AQR: variants seen among roughly 807,000 people sequenced by gnomAD.
The protein encoded by AQR is RNA helicase aquarius.
A neutral mutation model predicts 180.5 loss-of-function variants in AQR; 61 were observed. That is an observed-to-expected ratio of 0.34 (90% CI 0.28 to 0.42). The LOEUF is 0.42. AQR is among the 10% of genes least tolerant of loss of function. The probability of loss-of-function intolerance (pLI) is 1.00; values close to 1 mark genes in which losing one functional copy is unlikely to be tolerated. For missense variants in AQR, 1,281 were observed against 1,798.3 expected, an observed-to-expected ratio of 0.71 and a Z score of 5.20; for synonymous variants, 551 against 588.8, an observed-to-expected ratio of 0.94 and a Z score of 0.93.
At chr15:34,896,733 C>T (rs1384421676) in intron 22 of AQR, among the ~76,000 whole-genome samples, 164 bp downstream of exon 22, 1 of 152,142 alleles carries the variant, frequency 6.6e-6, no homozygotes, top group Non-Finnish European at 1.5e-5. Context: ...CCTGTAATCT[C>T]AGCTACTTGG....
chr15:34,873,584 G>GCTTA (rs1226529073), intron 30 of AQR, among the ~76,000 whole-genome samples: 3 of 151,924 alleles, frequency 2.0e-5, no homozygotes, highest in African/African-American at 7.3e-5. Context: ...AACAAGCTTA[G>GCTTA]GAAGACCTTT....
intron 11 of AQR, 145 bp from the exon 12 acceptor site, chr15:34,930,516 G>A: frequency 5.5e-6 from 3 of 540,852 alleles, no homozygotes; most frequent in Non-Finnish European, 9.9e-6. Context: ...AAAGATTTTA[G>A]AACATATCCA....
chr15:34,858,893 A>G (rs945952274), intron 34 of AQR, among the ~76,000 whole-genome samples: 6 of 152,246 alleles, frequency 3.9e-5, no homozygotes, highest in Non-Finnish European at 8.8e-5. Flanking sequence ...AGACAAATGA[A>G]TAAAACTCAG....
chr15:34,880,291 G>A (rs1892952002), intron 27 of AQR, among the ~76,000 whole-genome samples: 2 of 152,138 alleles, frequency 1.3e-5, no homozygotes, highest in Admixed American at 1.3e-4. Context: ...GAAAGATACG[G>A]GAGGATGTAT....
At chr15:34,948,101 A>G in intron 5 of AQR, 163 bp downstream of exon 5, 1 of 728,188 alleles carries the variant, frequency 1.4e-6, no homozygotes, top group African/African-American at 1.8e-5. Flanking sequence ...TATTGAAACC[A>G]AAAGAAAACA....
intron 15 of AQR, among the ~76,000 whole-genome samples, chr15:34,917,171 T>G (rs928746720): frequency 1.3e-5 from 2 of 152,194 alleles, no homozygotes; most frequent in African/African-American, 4.8e-5. Flanking sequence ...TAAAAAGATA[T>G]GAAGACTGCC....
chr15:34,943,495 A>C lies in AQR; in HGVS notation c.471+793T>G, dbSNP rs1894060893. On this transcript the variant is annotated intron_variant, in intron 6 of 34. Coordinates refer to ENST00000156471, the MANE Select transcript of AQR (RefSeq NM_014691.3). Reference sequence around the variant, plus strand: ...AATAAATAAATAAAAATAAATGTTAAAGAGATAACAGTGGTATCCAGTGCA... The same window carrying C: ...AATAAATAAATAAAAATAAATGTTACAGAGATAACAGTGGTATCCAGTGCA... The C allele has an allele frequency of 6.7e-6, 3 of 450,324 alleles. No homozygotes were observed. The East Asian group carries it at 1.5e-4, about 23-fold the overall frequency. 27.9% of individuals were successfully genotyped at this position (450,324 alleles called of 1,614,324 possible). A position where few individuals can be genotyped will look rare whatever the true frequency, so the allele number is the denominator to read the frequency against.
intron 31 of AQR, among the ~76,000 whole-genome samples, 185 bp downstream of exon 31, chr15:34,870,567 G>T (rs932257413): frequency 3.3e-5 from 5 of 152,070 alleles, no homozygotes; most frequent in African/African-American, 1.2e-4. Context: ...TATCTTTTAT[G>T]TGGTAGCTGA....
At chr15:34,884,232 C>A (rs1290426363) in intron 26 of AQR, among the ~76,000 whole-genome samples, 8 of 151,816 alleles carry the variant, frequency 5.3e-5, no homozygotes, top group Non-Finnish European at 8.8e-5. Context: ...CATGGTGAAA[C>A]CCTGTCTCTA....
At chr15:34,922,809 T>C (rs1365653394) in intron 13 of AQR, among the ~76,000 whole-genome samples, 1 of 149,138 alleles carries the variant, frequency 6.7e-6, no homozygotes, top group Non-Finnish European at 1.5e-5. Context: ...TGCCTGGCCT[T>C]ATCCATTAAA....
chr15:34,874,198 C>G (rs1892860780), intron 29 of AQR, 199 bp from the exon 30 acceptor site: 1 of 465,000 alleles, frequency 2.2e-6, no homozygotes, highest in South Asian at 5.6e-5. Flanking sequence ...ACTGAAGGTA[C>G]TACAAAAATG....
chr15:34,921,409 G>C (rs1461072395), intron 13 of AQR, among the ~76,000 whole-genome samples: 1 of 147,610 alleles, frequency 6.8e-6, no homozygotes, highest in Non-Finnish European at 1.5e-5. Context: ...ACTCCAGCCT[G>C]GGCAAAAGAG....
intron 24 of AQR, among the ~76,000 whole-genome samples, chr15:34,889,159 G>C (rs1893104196): frequency 6.6e-6 from 1 of 152,090 alleles, no homozygotes; most frequent in Admixed American, 6.6e-5. Flanking sequence ...TTTGTAAGTT[G>C]GCTTTAAAAT....
At chr15:34,864,187 A>C (rs1489783956) in intron 32 of AQR, among the ~76,000 whole-genome samples, 1 of 152,000 alleles carries the variant, frequency 6.6e-6, no homozygotes, top group Non-Finnish European at 1.5e-5. Context: ...TTTATGGTCT[A>C]GTCTATGGTC....
intron 13 of AQR, among the ~76,000 whole-genome samples, chr15:34,926,183 T>TA (rs1375967242): frequency 4.0e-5 from 6 of 151,676 alleles, no homozygotes; most frequent in East Asian, 1.9e-4. Context: ...TAAAAATAAA[T>TA]AAAAAAATAA....
intron 33 of AQR, among the ~76,000 whole-genome samples, chr15:34,862,327 C>A (rs7497306): frequency 6.6e-6 from 1 of 151,848 alleles, no homozygotes; most frequent in Non-Finnish European, 1.5e-5. Context: ...GGATGTTATT[C>A]GAAAAGACCT....
chr15:34,874,298 G>C, intron 29 of AQR: 1 of 315,714 alleles, frequency 3.2e-6, no homozygotes, highest in South Asian at 8.3e-5. Context: ...ACATTTGGGG[G>C]TAACTATGAG....
At position 34,854,357 on chromosome 15, in the gene AQR, A is replaced by G. The variant is rs1439157603; in HGVS notation, c.*2435T>C. On this transcript the variant is annotated 3_prime_UTR_variant, in exon 35 of 35. Transcript: ENST00000156471. ...ACATGGCTAGAGTACCTGTGTCTGT[A>G]GTAATCCCAAACTATATAGAAAACT... is the stretch of plus-strand genomic sequence containing the variant. The G allele has an allele frequency of 1.3e-5, 2 of 152,162 alleles. No homozygotes were observed. Among genetic ancestry groups the G allele is most frequent in the Non-Finnish European group, 2.9e-5 (2 of 68,026 alleles). 9.4% of individuals were successfully genotyped at this position (152,162 alleles called of 1,614,324 possible).
chr15:34,895,193 T>TAAAAAAAAAAAAAAAAAAAAAAAAAAAA (rs1893223221), intron 22 of AQR, among the ~76,000 whole-genome samples: 1 of 27,176 alleles, frequency 3.7e-5, no homozygotes, highest in Non-Finnish European at 8.2e-5. Flanking sequence ...AAAAAATATA[T>TAAAAAAAAAAAAAAAAAAAAAAAAAAAA]ATATATATAT....
Sources: gnomAD v4.1 joint callset for allele counts (sites outside exome capture counted in the v4.1 genomes callset) on GRCh38, gnomAD v4.1.1 for gene constraint, MANE v1.5 for transcripts, NCBI Gene and HGNC (gene_info 2026-07-23, HGNC 2026-07-21) for gene names.